HOXC9: variants seen among roughly 807,000 people sequenced by gnomAD.
HOXC9 encodes the protein homeobox protein Hox-C9.
In HOXC9, 10 loss-of-function variants were observed where a neutral mutation model predicts 20.0. That is an observed-to-expected ratio of 0.50 (90% CI 0.31 to 0.85). The LOEUF is 0.85. Ranked by LOEUF, HOXC9 falls within the 40% of genes least tolerant of loss-of-function variation. HOXC9 has a pLI of 0.05. For synonymous variants in HOXC9, 200 were observed against 163.7 expected (o/e 1.22, Z -1.69); for missense variants, 394 against 376.7 (o/e 1.05, Z -0.38).
In HOXC9 at chr12:54,000,578, C is replaced by T. The variant is rs759746095; in HGVS notation, c.390C>T (p.Cys130=). Residue 130 remains cysteine (C), a synonymous_variant, in exon 1 of 2, where the codon TGC becomes TGT. Transcript: ENST00000303450. ...PDAYPGRRAD[C]GPGEGRSYPD... ...CCTACCCCGGGCGCCGCGCGGACTG[C>T]GGCCCAGGGGAGGGCCGCAGCTACC... The T allele has an allele frequency of 1.2e-5, 18 of 1,534,192 alleles. No individual in the cohort carries two copies. In the African/African-American group the frequency reaches 2.2e-4, roughly 19 times the overall value.
At position 54,000,312 on chromosome 12, in the gene HOXC9, G is replaced by C. The variant is rs1402962160; in HGVS notation, c.124G>C (p.Gly42Arg). The change falls in exon 1 of 2, where the codon GGT becomes CGT. Residue 42 changes from glycine to arginine, a missense_variant. Transcript: ENST00000303450. ...TCATCCCGCCGCCGCCAGACCCAGC[G>C]GTTTGGTGCCGGACTGTAGCGATTT... The part of the protein sequence containing the change: ...GAHPAAARPS[G>R]LVPDCSDFPS... 1 of 1,614,112 alleles carries C rather than the reference G, an allele frequency of 6.2e-7. No homozygotes were observed. Among genetic ancestry groups the C allele is most frequent in the Admixed American group, 1.7e-5 (1 of 60,034 alleles).
intron 1 of HOXC9, 146 bp from the exon 2 acceptor site, chr12:54,002,284 A>T (rs1457920249): frequency 5.1e-6 from 5 of 974,928 alleles, no homozygotes; most frequent in Non-Finnish European, 7.6e-6. Context: ...AAAACGAGGA[A>T]GGAGGAAAAT....
intron 1 of HOXC9, among the ~76,000 whole-genome samples, chr12:54,001,666 A>G (rs924878541): frequency 6.6e-6 from 1 of 152,058 alleles, no homozygotes; most frequent in Non-Finnish European, 1.5e-5. Flanking sequence ...CTCCAGCCCC[A>G]TAAGGGGCCA....
In HOXC9 at chr12:54,002,587, C is replaced by A; in HGVS notation, c.696C>A (p.Thr232=). ...AGGTGGCCCGGGTTCTCAATCTCAC[C>A]GAGCGGCAGGTCAAAATCTGGTTTC... ...RYEVARVLNL[T]ERQVKIWFQN... is the part of the protein sequence containing the mutation. Residue 232 remains threonine (T), a synonymous_variant, in exon 2 of 2, where the codon ACC becomes ACA. Transcript: ENST00000303450. 1.2e-6 allele frequency: 2 copies of A among 1,614,062 alleles called. No homozygotes were observed. The highest frequency in any genetic ancestry group is 1.7e-6 in the Non-Finnish European group (2 of 1,180,016).
In HOXC9 at chr12:54,000,665, G is replaced by A; in HGVS notation, c.477G>A (p.Ser159=). The stretch of plus-strand genomic sequence containing the variant: ...ACCGCGCCCCGCAGACACTGCCCTC[G>A]CCCGAGGCGGACGCGCTCGCCGGCA... ...LRDRAPQTLP[S]PEADALAGSK... Residue 159 remains serine, a synonymous_variant, in exon 1 of 2, where the codon TCG becomes TCA. Transcript: ENST00000303450. 10 of 1,564,550 alleles carry A rather than the reference G, an allele frequency of 6.4e-6. No homozygotes were observed. The highest frequency in any genetic ancestry group is 8.6e-6 in the Non-Finnish European group (10 of 1,160,928).
rs1333375097 is a variant in HOXC9 at position 54,003,114 on chromosome 12, C to G, written c.*440C>G. 1.8e-4 allele frequency: 23 copies of G among 126,596 alleles called. No individual in the cohort carries two copies. The East Asian group carries it at 2.2e-3, about 12-fold the overall frequency. The allele number at this position is 126,596 out of a possible 1,614,324, so 7.8% of individuals were successfully genotyped here. A position where few individuals can be genotyped will look rare whatever the true frequency, so the allele number is the denominator to read the frequency against. ...AGATTTTGTACAAAAAAAAAAAAGA[C>G]ACACACACATACATGATAATGATTC... On this transcript the variant is annotated 3_prime_UTR_variant, in exon 2 of 2. Coordinates refer to ENST00000303450, the MANE Select transcript of HOXC9 (RefSeq NM_006897.3).
Position 54,002,750 on chromosome 12 carries a change from G to A in HOXC9, c.*76G>A. On this transcript the variant is annotated 3_prime_UTR_variant, in exon 2 of 2. Transcript: ENST00000303450. ...CACAAAATACCCCAACACAGGCGGG[G>A]GAGAGACGAAAAAGAAAAGGAAAGA... The A allele has an allele frequency of 1.3e-6, 2 of 1,485,012 alleles. No homozygotes were observed. The highest frequency in any genetic ancestry group is 1.8e-6 in the Non-Finnish European group (2 of 1,105,038). The allele number at this position is 1,485,012 out of a possible 1,614,324, so 92.0% of individuals were successfully genotyped here. A position where few individuals can be genotyped will look rare whatever the true frequency, so the allele number is the denominator to read the frequency against.
intron 1 of HOXC9, 46 bp from the exon 2 acceptor site, chr12:54,002,384 G>A: frequency 6.3e-7 from 1 of 1,590,706 alleles, no homozygotes. Flanking sequence ...GAAGTCCTGG[G>A]CTGGAAAGGG....
At chr12:54,001,303 G>T (rs1215135257) in intron 1 of HOXC9, among the ~76,000 whole-genome samples, 5 of 152,100 alleles carry the variant, frequency 3.3e-5, no homozygotes, top group African/African-American at 1.2e-4. Context: ...TCAAAGAGAA[G>T]TGGGGATAAA....
rs1565726106 is a variant in HOXC9 at position 54,002,556 on chromosome 12, G to A, written c.665G>A (p.Arg222Gln). 6 of 1,614,150 alleles carry A rather than the reference G, an allele frequency of 3.7e-6. No homozygotes were observed. The highest frequency in any genetic ancestry group is 5.1e-6 in the Non-Finnish European group (6 of 1,180,046). Residue 222 changes from arginine (R) to glutamine (Q), a missense_variant, in exon 2 of 2, where the codon CGG (arginine) becomes CAG (glutamine). Physicochemically the swap from Arg to Gln is conservative, Grantham distance 43. Coordinates refer to ENST00000303450, the MANE Select transcript of HOXC9 (RefSeq NM_006897.3). ...AATATGTATTTAACCAGGGACCGTC[G>A]GTATGAGGTGGCCCGGGTTCTCAAT... ...LFNMYLTRDR[R>Q]YEVARVLNLT...
chr12:54,002,527 C>T lies in HOXC9; in HGVS notation c.636C>T (p.Leu212=), dbSNP rs764826136. 1.2e-6 allele frequency: 2 copies of T among 1,614,076 alleles called. No homozygotes were observed. Among genetic ancestry groups the T allele is most frequent in the Non-Finnish European group, 1.7e-6 (2 of 1,180,044 alleles). The change falls in exon 2 of 2, where the codon CTC becomes CTT. Residue 212 remains leucine (L), a synonymous_variant. Transcript: ENST00000303450. The part of the protein sequence containing the change: ...YQTLELEKEF[L]FNMYLTRDRR... The stretch of plus-strand genomic sequence containing the variant: ...CGCTGGAACTGGAGAAGGAGTTTCT[C>T]TTCAATATGTATTTAACCAGGGACC...
Position 54,000,203 on chromosome 12 carries a change from G to A in HOXC9, c.15G>A (p.Gly5=). Residue 5 remains glycine, a synonymous_variant, in exon 1 of 2, where the codon GGG becomes GGA. Coordinates refer to ENST00000303450, the MANE Select transcript of HOXC9 (RefSeq NM_006897.3). MSAT[G]PISNYYVDSL... is the part of the protein sequence containing the mutation. ...ACCCCGTTACGATGTCGGCGACGGG[G>A]CCCATCAGTAACTATTACGTGGACT... The A allele has an allele frequency of 6.2e-7, 1 of 1,614,012 alleles. No homozygotes were observed. The highest frequency in any genetic ancestry group is 8.5e-7 in the Non-Finnish European group (1 of 1,180,012).
chr12:54,000,746 C>T lies in HOXC9; in HGVS notation c.538+20C>T. On this transcript the variant is annotated intron_variant, in intron 1 of 1. Transcript: ENST00000303450. ...ACCCCAGTAAGTTGGGAGCAATTTT[C>T]CTTTACAACCGGCGCGGGAGGGGAG... The T allele has an allele frequency of 6.7e-7, 1 of 1,493,420 alleles. No individual in the cohort carries two copies. Among genetic ancestry groups the T allele is most frequent in the South Asian group, 1.3e-5 (1 of 74,504 alleles). The allele number at this position is 1,493,420 out of a possible 1,614,324, so 92.5% of individuals were successfully genotyped here. A position where few individuals can be genotyped will look rare whatever the true frequency, so the allele number is the denominator to read the frequency against.
intron 1 of HOXC9, 34 bp from the exon 2 acceptor site, chr12:54,002,396 C>T (rs749516376): frequency 2.5e-6 from 4 of 1,600,220 alleles, no homozygotes; most frequent in Non-Finnish European, 3.4e-6. Context: ...TGGAAAGGGG[C>T]TCCACTGACC....
intron 1 of HOXC9, among the ~76,000 whole-genome samples, chr12:54,001,429 TACACACACACACAC>T (rs56935573): frequency 0.01 from 1,499 of 146,424 alleles, 26 homozygotes; most frequent in African/African-American, 0.036. Flanking sequence ...TAGAGAATTC[TACACACACACACAC>T]ACACACACAC....
Position 54,002,503 on chromosome 12 carries a change from G to T in HOXC9, c.612G>T (p.Thr204=). Residue 204 remains threonine, a synonymous_variant, in exon 2 of 2, where the codon ACG becomes ACT. Transcript: ENST00000303450. ...KKRCPYTKYQ[T]LELEKEFLFN... Reference sequence around the variant, plus strand: ...GCTGCCCCTACACCAAGTACCAGACGCTGGAACTGGAGAAGGAGTTTCTCT... The same window carrying T: ...GCTGCCCCTACACCAAGTACCAGACTCTGGAACTGGAGAAGGAGTTTCTCT... 1.2e-6 allele frequency: 2 copies of T among 1,614,152 alleles called. No homozygotes were observed. The highest frequency in any genetic ancestry group is 1.7e-6 in the Non-Finnish European group (2 of 1,180,010).
At chr12:54,001,221 T>C (rs1446764390) in intron 1 of HOXC9, among the ~76,000 whole-genome samples, 1 of 151,946 alleles carries the variant, frequency 6.6e-6, no homozygotes, top group African/African-American at 2.4e-5. Context: ...GTCCATGGAC[T>C]TCTCCCCCAG....
At chr12:54,002,395 G>A in intron 1 of HOXC9, 35 bp from the exon 2 acceptor site, 5 of 1,600,532 alleles carry the variant, frequency 3.1e-6, no homozygotes, top group Non-Finnish European at 4.3e-6. Context: ...CTGGAAAGGG[G>A]CTCCACTGAC....
chr12:54,002,951 A>C lies in HOXC9; in HGVS notation c.*277A>C. On this transcript the variant is annotated 3_prime_UTR_variant, in exon 2 of 2. Transcript: ENST00000303450. ...CTCTTTCCCCAGCGCAACCGAAATA[A>C]ATGACACATACAAATGTGATTTTTT... 1 of 308,894 alleles carries C rather than the reference A, an allele frequency of 3.2e-6. No individual in the cohort carries two copies. The highest frequency in any genetic ancestry group is 5.9e-6 in the Non-Finnish European group (1 of 168,448). 19.1% of individuals were successfully genotyped at this position (308,894 alleles called of 1,614,324 possible). A position where few individuals can be genotyped will look rare whatever the true frequency, so the allele number is the denominator to read the frequency against.
Sources: allele counts gnomAD v4.1 joint callset (sites outside exome capture counted in the v4.1 genomes callset), GRCh38; gene constraint gnomAD v4.1.1; transcripts MANE v1.5; gene names NCBI Gene and HGNC (gene_info 2026-07-23, HGNC 2026-07-21).